IFITM10: variants seen among roughly 807,000 people sequenced by gnomAD.
IFITM10 encodes interferon-induced transmembrane protein 10.
In IFITM10, 17 loss-of-function variants were observed where a neutral mutation model predicts 19.0. That is an observed-to-expected ratio of 0.90 (90% CI 0.61 to 1.34). The LOEUF is 1.34. IFITM10 is among the 40% of genes most tolerant of loss of function. The pLI, the probability that IFITM10 is intolerant of heterozygous loss-of-function variation, is 0.00. For synonymous variants in IFITM10, 148 were observed against 147.2 expected, an observed-to-expected ratio of 1.01 and a Z score of -0.04; for missense variants, 306 against 319.8, an observed-to-expected ratio of 0.96 and a Z score of 0.33.
chr11:1,749,991 C>G (rs745568157), intron 1 of IFITM10, among the ~76,000 whole-genome samples: 1 of 152,084 alleles, frequency 6.6e-6, no homozygotes, highest in African/African-American at 2.4e-5. Context: ...CAAAGTGTCC[C>G]GTTCCGAGCT....
chr11:1,741,346 G>A (rs750178288), intron 2 of IFITM10, among the ~76,000 whole-genome samples: 8 of 151,616 alleles, frequency 5.3e-5, no homozygotes, highest in South Asian at 4.2e-4. Context: ...GCTAGGTGGC[G>A]GAATGGGCTG....
At chr11:1,741,124 C>T (rs1845566004) in intron 2 of IFITM10, among the ~76,000 whole-genome samples, 1 of 151,984 alleles carries the variant, frequency 6.6e-6, no homozygotes, top group African/African-American at 2.4e-5. Flanking sequence ...TACTCTCTCT[C>T]AGGTATTTCT....
At chr11:1,749,518 C>A (rs1336790160) in intron 1 of IFITM10, among the ~76,000 whole-genome samples, 2 of 151,524 alleles carry the variant, frequency 1.3e-5, no homozygotes, top group Non-Finnish European at 2.9e-5. Flanking sequence ...GAGAGACCCT[C>A]TTCCTCTTCC....
intron 2 of IFITM10, among the ~76,000 whole-genome samples, chr11:1,742,579 G>A (rs539730862): frequency 7.1e-4 from 108 of 152,330 alleles, no homozygotes; most frequent in African/African-American, 2.5e-3. Flanking sequence ...ATGTCTTGAA[G>A]GGTGAATAGA....
chr11:1,750,300 TCCCTC>T, intron 1 of IFITM10, 54 bp downstream of exon 1: 1 of 1,548,092 alleles, frequency 6.5e-7, no homozygotes, highest in Non-Finnish European at 8.7e-7. Context: ...CTTCCCTCCC[TCCCTC>T]CAAGTCCCCC....
rs1217962997 is a variant in IFITM10, at chr11:1,748,094, GC to G, written c.109del (p.Ala37ProfsTer92). ...GGTGCTGGCCGGGTCTCCCAGCGGG[GC>G]TGGGCACTGGCCGGGGCCCTGGGCC... ...LEAQGPGQCP[A>X]PLGDPASTTD... On this transcript the variant is annotated frameshift_variant, in exon 2 of 3. Coordinates refer to ENST00000340134, the MANE Select transcript of IFITM10 (RefSeq NM_001170820.4). LOFTEE classifies it high-confidence loss of function. 3 of 1,405,168 alleles carry G rather than the reference GC, an allele frequency of 2.1e-6. No homozygotes were observed. Among genetic ancestry groups the G allele is most frequent in the Non-Finnish European group, 2.8e-6 (3 of 1,087,400 alleles). 87.0% of individuals were successfully genotyped at this position (1,405,168 alleles called of 1,614,324 possible). A position where few individuals can be genotyped will look rare whatever the true frequency, so the allele number is the denominator to read the frequency against.
intron 2 of IFITM10, among the ~76,000 whole-genome samples, chr11:1,741,251 A>C (rs367687931): frequency 2.0e-5 from 3 of 152,136 alleles, no homozygotes. Flanking sequence ...CTGCAGTGTC[A>C]GAAGGTTAGG....
chr11:1,747,275 C>A (rs758710113), intron 2 of IFITM10, among the ~76,000 whole-genome samples: 4 of 152,140 alleles, frequency 2.6e-5, no homozygotes, highest in Admixed American at 2.0e-4. Context: ...TTCAGCCCCA[C>A]GCTGGCCCCA....
chr11:1,736,811 A>G (rs1213927916), intron 2 of IFITM10, among the ~76,000 whole-genome samples: 1 of 148,364 alleles, frequency 6.7e-6, no homozygotes, highest in East Asian at 2.0e-4. Context: ...AATGGAACGG[A>G]TAGAGTGGAT....
Position 1,734,939 on chromosome 11 carries a change from G to C in IFITM10, c.*341C>G, listed in dbSNP as rs1851067634. On this transcript the variant is annotated 3_prime_UTR_variant, in exon 3 of 3. Transcript: ENST00000340134. The stretch of plus-strand genomic sequence containing the variant: ...AATTTTGCATAAGCCCTTCCTGCTA[G>C]GTGTCAGGTCCAAGGGGCCCCAGGA... 3.1e-6 allele frequency: 1 copy of C among 327,536 alleles called. No individual in the cohort carries two copies. Among genetic ancestry groups the C allele is most frequent in the Admixed American group, 4.6e-5 (1 of 21,750 alleles). The allele number at this position is 327,536 out of a possible 1,614,324, so 20.3% of individuals were successfully genotyped here. A position where few individuals can be genotyped will look rare whatever the true frequency, so the allele number is the denominator to read the frequency against.
At chr11:1,742,847 A>G (rs1333652743) in intron 2 of IFITM10, among the ~76,000 whole-genome samples, 1 of 152,092 alleles carries the variant, frequency 6.6e-6, no homozygotes, top group Non-Finnish European at 1.5e-5. Context: ...TGGATTGAAT[A>G]TAAGTTTGGG....
intron 2 of IFITM10, among the ~76,000 whole-genome samples, chr11:1,736,383 T>C (rs1231976092): frequency 1.3e-5 from 2 of 151,914 alleles, no homozygotes; most frequent in Non-Finnish European, 2.9e-5. Context: ...GGATGTGTAA[T>C]TGAGTGGGAG....
At position 1,747,727 on chromosome 11, in the gene IFITM10, G is replaced by A. The variant is rs1202242751; in HGVS notation, c.477C>T (p.Phe159=). 2 of 1,551,728 alleles carry A rather than the reference G, an allele frequency of 1.3e-6. No homozygotes were observed. Among genetic ancestry groups the A allele is most frequent in the African/African-American group, 2.7e-5 (2 of 73,072 alleles). ...EVNDYYLWSI[F]NFVYLNFCCL... ...AGCAGAAGTTGAGGTAGACGAAGTT[G>A]AAGATGGACCACAGGTAATAGTCGT... is the stretch of plus-strand genomic sequence containing the variant. The change falls in exon 2 of 3, where the codon TTC becomes TTT. Residue 159 remains phenylalanine (F), a synonymous_variant. Transcript: ENST00000340134.
chr11:1,749,446 C>T (rs1399564462), intron 1 of IFITM10, among the ~76,000 whole-genome samples: 1 of 148,272 alleles, frequency 6.7e-6, no homozygotes, highest in Non-Finnish European at 1.5e-5. Context: ...ATCCCTCTCG[C>T]GGAGCCCCCA....
rs1255901040 is a variant in IFITM10, at chr11:1,734,127, C to T, written c.*1153G>A. On this transcript the variant is annotated 3_prime_UTR_variant, in exon 3 of 3. Coordinates refer to ENST00000340134, the MANE Select transcript of IFITM10 (RefSeq NM_001170820.4). ...CGGCTTCTTCTCCATCTTCACCTCC[C>T]CACCTCCTTCGTGTGCCTCGCCGAT... The T allele has an allele frequency of 6.6e-6, 1 of 152,580 alleles. No homozygotes were observed. Among genetic ancestry groups the T allele is most frequent in the Non-Finnish European group, 1.5e-5 (1 of 68,312 alleles). The allele number at this position is 152,580 out of a possible 1,614,324, so 9.5% of individuals were successfully genotyped here.
intron 2 of IFITM10, among the ~76,000 whole-genome samples, chr11:1,735,689 T>TTA (rs759275349): frequency 7.9e-5 from 12 of 152,172 alleles, no homozygotes; most frequent in Non-Finnish European, 1.3e-4. Flanking sequence ...TGAGATGTAT[T>TTA]TATATATATA....
chr11:1,742,721 G>T (rs1280533766), intron 2 of IFITM10, among the ~76,000 whole-genome samples: 2 of 152,224 alleles, frequency 1.3e-5, no homozygotes, highest in African/African-American at 4.8e-5. Context: ...GCATAAGGTT[G>T]GTGGGGACAG....
intron 1 of IFITM10, chr11:1,749,062 C>T (rs1450756124): frequency 1.9e-5 from 22 of 1,142,026 alleles, no homozygotes; most frequent in South Asian, 5.1e-5. Flanking sequence ...AGCCTCGGTG[C>T]GCGCGTCCTT....
chr11:1,746,476 G>A (rs1565014843), intron 2 of IFITM10: 1 of 397,816 alleles, frequency 2.5e-6, no homozygotes, highest in Non-Finnish European at 4.4e-6. Context: ...ACTGACACGT[G>A]CTGGCTCACA....
Sources: gnomAD v4.1 joint callset for allele counts (sites outside exome capture counted in the v4.1 genomes callset) on GRCh38, gnomAD v4.1.1 for gene constraint, MANE v1.5 for transcripts, NCBI Gene and HGNC (gene_info 2026-07-23, HGNC 2026-07-21) for gene names.